FEZ1: variants seen among roughly 807,000 people sequenced by gnomAD.
FEZ1 encodes the protein fasciculation and elongation protein zeta-1.
A neutral mutation model predicts 49.3 loss-of-function variants in FEZ1; 20 were observed. The ratio of observed to expected loss-of-function variants is 0.41; its 90% CI spans 0.29 to 0.59. The LOEUF is 0.59. Among genes scored for constraint, FEZ1 ranks in the 20% least tolerant of loss-of-function variants. The probability of loss-of-function intolerance (pLI) is 0.36; values close to 1 mark genes in which losing one functional copy is unlikely to be tolerated. For missense variants in FEZ1, 413 were observed against 476.0 expected (o/e 0.87, Z 1.23); for synonymous variants, 170 against 180.9 (o/e 0.94, Z 0.48).
intron 3 of FEZ1, among the ~76,000 whole-genome samples, chr11:125,476,301 A>G (rs1957233213): frequency 6.6e-6 from 1 of 152,206 alleles, no homozygotes; most frequent in Admixed American, 6.5e-5. Flanking sequence ...GGGGGGAAAA[A>G]CAGAATAAAA....
Position 125,455,979 on chromosome 11 carries a change from T to C in FEZ1, c.795A>G (p.Glu265=), listed in dbSNP as rs754868207. The C allele has an allele frequency of 3.0e-5, 48 of 1,613,320 alleles. No homozygotes were observed. The East Asian group carries it at 1.0e-3, about 35-fold the overall frequency. The change falls in exon 6 of 10, where the codon GAA becomes GAG. Residue 265 remains glutamate (E), a synonymous_variant. Coordinates refer to ENST00000278919, the MANE Select transcript of FEZ1 (RefSeq NM_005103.5). ...GCACCGTGATAAAGGAGTTCTTCAC[T>C]TCCTTCTCAAACTCCAGCTCGTCCC... ...ARRDELEFEK[E]VKNSFITVLI... is the part of the protein sequence containing the mutation.
At chr11:125,459,917 C>T (rs756099691) in intron 5 of FEZ1, among the ~76,000 whole-genome samples, 4 of 152,094 alleles carry the variant, frequency 2.6e-5, no homozygotes, top group Non-Finnish European at 5.9e-5. Flanking sequence ...GCCAACATGG[C>T]GAAACCTCGT....
In FEZ1 at chr11:125,448,488, G is replaced by C; in HGVS notation, c.1162+14C>G. Reference sequence around the variant, plus strand: ...GAACCCCTTCTGCTCCAGGAGGCCTGGGGCTGCTCTTACCTTTTAAAATGT... The same window carrying C: ...GAACCCCTTCTGCTCCAGGAGGCCTCGGGCTGCTCTTACCTTTTAAAATGT... On this transcript the variant is annotated intron_variant, in intron 9 of 9. Coordinates refer to ENST00000278919, the MANE Select transcript of FEZ1 (RefSeq NM_005103.5). 6.3e-7 allele frequency: 1 copy of C among 1,588,574 alleles called. No homozygotes were observed. Among genetic ancestry groups the C allele is most frequent in the African/African-American group, 1.3e-5 (1 of 74,526 alleles).
chr11:125,451,205 TA>T (rs56357394), intron 8 of FEZ1, among the ~76,000 whole-genome samples: 250 of 151,236 alleles, frequency 1.7e-3, no homozygotes, highest in African/African-American at 5.0e-3. Flanking sequence ...TTTTCTCCCT[TA>T]AAAAAAAAGA....
chr11:125,474,713 C>G (rs1187480260), intron 3 of FEZ1, among the ~76,000 whole-genome samples: 3 of 150,400 alleles, frequency 2.0e-5, no homozygotes, highest in African/African-American at 7.3e-5. Flanking sequence ...CATGGTGAAA[C>G]CCCGTCTCTA....
At position 125,489,754 on chromosome 11, in the gene FEZ1, C is replaced by G; in HGVS notation, c.24G>C (p.Leu8=). The change falls in exon 2 of 10, where the codon CTG becomes CTC. Residue 8 remains leucine, a synonymous_variant. Coordinates refer to ENST00000278919, the MANE Select transcript of FEZ1 (RefSeq NM_005103.5). This position sits in a 1 kb window ranked among gnomAD's most constrained non-coding sequence, Gnocchi z 4.2. ...GTCGAAGGTCCTCAAACTCTTCATC[C>G]AGACTCACCAGTGGGGCCTCCATTC... is the stretch of plus-strand genomic sequence containing the variant. The part of the protein sequence containing the change: MEAPLVS[L]DEEFEDLRPS... The G allele has an allele frequency of 5.8e-6, 9 of 1,556,824 alleles. No individual in the cohort carries two copies. Among genetic ancestry groups the G allele is most frequent in the Non-Finnish European group, 7.8e-6 (9 of 1,153,096 alleles).
chr11:125,474,924 A>G (rs1361375388), intron 3 of FEZ1, among the ~76,000 whole-genome samples: 1 of 152,038 alleles, frequency 6.6e-6, no homozygotes, highest in Non-Finnish European at 1.5e-5. Flanking sequence ...CAATACTAAG[A>G]ACACAAACAA....
At chr11:125,468,728 G>A (rs926832238) in intron 3 of FEZ1, among the ~76,000 whole-genome samples, 5 of 152,142 alleles carry the variant, frequency 3.3e-5, no homozygotes, top group South Asian at 2.1e-4. Context: ...TAAACTTGGC[G>A]AGAGCAGGCT....
At chr11:125,456,134 A>T (rs767208860) in intron 5 of FEZ1, 28 bp from the exon 6 acceptor site, 2 of 1,545,652 alleles carry the variant, frequency 1.3e-6, no homozygotes, top group Non-Finnish European at 1.7e-6. Flanking sequence ...CTCCCGCATA[A>T]CACCTGCATC....
At chr11:125,486,156 T>G (rs932062928) in intron 2 of FEZ1, among the ~76,000 whole-genome samples, 1 of 152,238 alleles carries the variant, frequency 6.6e-6, no homozygotes, top group African/African-American at 2.4e-5. Flanking sequence ...GTATATCTGA[T>G]GACAGGCAGT....
In FEZ1 at chr11:125,448,572, G is replaced by A; in HGVS notation, c.1097-5C>T. ...CCTCCTTCATGGCAAAGAGAACTAG[G>A]AAAGGAGACAGAGAGAGGAACTAAG... On this transcript the variant is annotated splice_polypyrimidine_tract_variant and splice_region_variant and intron_variant, in intron 8 of 9. Transcript: ENST00000278919. 6.2e-7 allele frequency: 1 copy of A among 1,601,082 alleles called. No individual in the cohort carries two copies. Among genetic ancestry groups the A allele is most frequent in the Non-Finnish European group, 8.6e-7 (1 of 1,168,314 alleles).
chr11:125,485,515 C>A (rs533185786), intron 2 of FEZ1, among the ~76,000 whole-genome samples: 1 of 152,310 alleles, frequency 6.6e-6, no homozygotes, highest in African/African-American at 2.4e-5. Flanking sequence ...AGAATTCTAA[C>A]TTGCTGACAT....
intron 6 of FEZ1, among the ~76,000 whole-genome samples, chr11:125,454,628 T>C (rs1236503485): frequency 1.3e-5 from 2 of 152,032 alleles, no homozygotes; most frequent in Non-Finnish European, 2.9e-5. Flanking sequence ...AAAATGTACA[T>C]GCGGAGAACT....
At position 125,452,921 on chromosome 11, in the gene FEZ1, G is replaced by T. The variant is rs12285250; in HGVS notation, c.1021-512C>A. 1,087 of 152,598 alleles carry T rather than the reference G, an allele frequency of 7.1e-3. 17 individuals carry two copies. The highest frequency in any genetic ancestry group is 0.024 in the African/African-American group (987 of 41,410). The allele number at this position is 152,598 out of a possible 1,614,324, so 9.5% of individuals were successfully genotyped here. On this transcript the variant is annotated intron_variant, in intron 7 of 9. Coordinates refer to ENST00000278919, the MANE Select transcript of FEZ1 (RefSeq NM_005103.5). ...AGGAGTCTCAAGGAAGCCTGAGGTGGTGAGTGCCAGAGCTCTAGATCAAAG... is the reference window on the plus strand; with the variant it reads ...AGGAGTCTCAAGGAAGCCTGAGGTGTTGAGTGCCAGAGCTCTAGATCAAAG...
chr11:125,468,240 T>G (rs558654110), intron 3 of FEZ1, among the ~76,000 whole-genome samples: 16 of 152,128 alleles, frequency 1.1e-4, no homozygotes, highest in African/African-American at 3.9e-4. Flanking sequence ...TCCAATGACA[T>G]GATCAAAGTC....
intron 4 of FEZ1, among the ~76,000 whole-genome samples, 196 bp from the exon 5 acceptor site, chr11:125,460,862 A>G (rs1400331619): frequency 3.3e-5 from 5 of 152,208 alleles, no homozygotes; most frequent in Admixed American, 6.5e-5. Context: ...AATGTAAGGC[A>G]CTCTTTAATG....
At chr11:125,457,078 C>T (rs1957017272) in intron 5 of FEZ1, among the ~76,000 whole-genome samples, 1 of 151,526 alleles carries the variant, frequency 6.6e-6, no homozygotes, top group Non-Finnish European at 1.5e-5. Context: ...AGCTATTCGG[C>T]AGAGTGAGGC....
chr11:125,473,662 T>C (rs1957202198), intron 3 of FEZ1, among the ~76,000 whole-genome samples: 1 of 151,810 alleles, frequency 6.6e-6, no homozygotes, highest in Non-Finnish European at 1.5e-5. Context: ...CTACTAAAAA[T>C]ACAAAAATTA....
chr11:125,446,145 G>A (rs1238636072), intron 9 of FEZ1, 34 bp from the exon 10 acceptor site: 1 of 1,612,916 alleles, frequency 6.2e-7, no homozygotes, highest in Non-Finnish European at 8.5e-7. Flanking sequence ...AGAGCGGTCA[G>A]AACACAGTTG....
Sources: gnomAD v4.1 joint callset for allele counts (sites outside exome capture counted in the v4.1 genomes callset) on GRCh38, gnomAD v4.1.1 for gene constraint, Gnocchi (gnomAD v3.1) non-coding constraint, MANE v1.5 for transcripts, NCBI Gene and HGNC (gene_info 2026-07-23, HGNC 2026-07-21) for gene names.